The following DLGAP1 variants were observed in gnomAD, a reference collection of about 807,000 sequenced individuals.
DLGAP1 encodes the protein disks large-associated protein 1.
Under a neutral mutation model 90.8 loss-of-function variants are expected in DLGAP1, and 11 were observed. That is an observed-to-expected ratio of 0.12 (90% confidence interval 0.08 to 0.20). The LOEUF is 0.20. Among genes scored for constraint, DLGAP1 ranks in the 10% least tolerant of loss-of-function variants. DLGAP1 has a pLI of 1.00. For missense variants in DLGAP1, 1,050 were observed against 1,333.8 expected, an observed-to-expected ratio of 0.79 and a Z score of 3.31; for synonymous variants, 558 against 540.7, an observed-to-expected ratio of 1.03 and a Z score of -0.44.
chr18:4,293,248 G>C (rs1329106531), intron 1 of DLGAP1: 1 of 152,258 alleles, frequency 6.6e-6, no homozygotes, highest in Non-Finnish European at 1.5e-5. Context: ...TTCTGGAACA[G>C]AGAAAAGACT....
intron 2 of DLGAP1, among the ~76,000 whole-genome samples, chr18:4,024,864 G>A (rs931455716): frequency 1.3e-5 from 2 of 152,150 alleles, no homozygotes; most frequent in Admixed American, 6.6e-5. Context: ...GTGTTCGAGA[G>A]CCAGATGGTT....
At chr18:3,967,147 G>A (rs2073348122) in intron 3 of DLGAP1, among the ~76,000 whole-genome samples, 1 of 152,212 alleles carries the variant, frequency 6.6e-6, no homozygotes, top group Non-Finnish European at 1.5e-5. Flanking sequence ...AAATATGGCA[G>A]TGCCTGTCTA....
intron 7 of DLGAP1, among the ~76,000 whole-genome samples, chr18:3,669,511 G>T (rs1457699589): frequency 6.6e-6 from 1 of 152,218 alleles, no homozygotes. Context: ...AAGAAGACAC[G>T]AGTGGTTATG....
chr18:3,979,446 T>C (rs1471672819), intron 3 of DLGAP1, among the ~76,000 whole-genome samples: 1 of 12,118 alleles, frequency 8.3e-5, no homozygotes, highest in Non-Finnish European at 1.5e-4. Context: ...TTTCTCAGAA[T>C]GTACTCCCAT....
At chr18:4,429,550 T>A (rs763236683) in intron 1 of DLGAP1, among the ~76,000 whole-genome samples, 5 of 152,206 alleles carry the variant, frequency 3.3e-5, no homozygotes, top group Non-Finnish European at 5.9e-5. Context: ...CTGGCCAGAT[T>A]GGTAAAAATT....
At chr18:4,012,616 C>T (rs142921110) in intron 2 of DLGAP1, among the ~76,000 whole-genome samples, 33 of 152,228 alleles carry the variant, frequency 2.2e-4, no homozygotes, top group African/African-American at 7.9e-4. Flanking sequence ...AGCAGGCTGT[C>T]TGCTGTGGGT....
At chr18:3,613,945 T>C (rs2057741340) in intron 7 of DLGAP1, among the ~76,000 whole-genome samples, 1 of 151,574 alleles carries the variant, frequency 6.6e-6, no homozygotes, top group East Asian at 1.9e-4. Context: ...TTTTTTGAGA[T>C]GGAGTTTCCC....
At chr18:4,338,258 A>G (rs1012943849) in intron 1 of DLGAP1, among the ~76,000 whole-genome samples, 1 of 151,988 alleles carries the variant, frequency 6.6e-6, no homozygotes, top group African/African-American at 2.4e-5. Flanking sequence ...TTGGCCAGAC[A>G]CAGTTTTATC....
At chr18:4,156,272 T>C (rs2076754635) in intron 1 of DLGAP1, among the ~76,000 whole-genome samples, 1 of 152,194 alleles carries the variant, frequency 6.6e-6, no homozygotes, top group South Asian at 2.1e-4. Context: ...AAGTCTGGGC[T>C]GGAGTTTGTG....
intron 2 of DLGAP1, among the ~76,000 whole-genome samples, chr18:4,106,031 C>CAAAAAAAAAAA (rs60176243): frequency 2.2e-4 from 22 of 102,266 alleles, no homozygotes; most frequent in South Asian, 1.0e-3. Context: ...GGGTCCGTCT[C>CAAAAAAAAAAA]AAAAAAAAAA....
intron 2 of DLGAP1, among the ~76,000 whole-genome samples, chr18:4,095,379 A>C (rs1041677415): frequency 5.9e-5 from 9 of 152,332 alleles, no homozygotes; most frequent in Middle Eastern, 3.4e-3. Context: ...GGATGCTTTT[A>C]GACATAGATG....
At chr18:4,215,838 T>A (rs1261585611) in intron 1 of DLGAP1, among the ~76,000 whole-genome samples, 3 of 152,010 alleles carry the variant, frequency 2.0e-5, no homozygotes, top group Non-Finnish European at 4.4e-5. Context: ...GTGGTCCATT[T>A]CTCCTGCCAA....
intron 3 of DLGAP1, among the ~76,000 whole-genome samples, chr18:3,948,684 G>A (rs907859543): frequency 2.6e-5 from 4 of 152,222 alleles, no homozygotes; most frequent in Admixed American, 6.5e-5. Flanking sequence ...TATTCTAAGT[G>A]ATGTAACTCA....
chr18:3,602,696 C>G lies in DLGAP1; in HGVS notation c.1592-20448G>C, dbSNP rs948915054. On this transcript the variant is annotated intron_variant, in intron 7 of 12. Transcript: ENST00000315677. ...ATCGAGCACTAGATATGTTTATTAT[C>G]TCCAGCACAGCACTGCCTCCTGGTG... is the stretch of plus-strand genomic sequence containing the variant. Among the ~76,000 whole-genome samples the G allele has an allele frequency of 3.6e-4, 54 of 150,966 alleles. 3 individuals are homozygous for G. The highest frequency in any genetic ancestry group is 1.5e-5 in the Non-Finnish European group (1 of 67,802).
At chr18:4,017,713 A>G (rs895429939) in intron 2 of DLGAP1, among the ~76,000 whole-genome samples, 3 of 152,230 alleles carry the variant, frequency 2.0e-5, no homozygotes, top group African/African-American at 7.2e-5. Flanking sequence ...TAAGCAGAAT[A>G]CAGCGGAGAC....
chr18:3,792,159 T>A (rs1054486790), intron 5 of DLGAP1, among the ~76,000 whole-genome samples: 4 of 152,066 alleles, frequency 2.6e-5, no homozygotes, highest in Admixed American at 6.5e-5. Context: ...GCAGCCCTCT[T>A]CCCTAACTCC....
At chr18:3,952,503 T>C (rs1005704515) in intron 3 of DLGAP1, among the ~76,000 whole-genome samples, 8 of 152,336 alleles carry the variant, frequency 5.3e-5, no homozygotes, top group Non-Finnish European at 8.8e-5. Context: ...AGGGTTGATT[T>C]CCCACTTGGG....
chr18:3,564,902 A>G (rs2054341696), intron 9 of DLGAP1, among the ~76,000 whole-genome samples: 1 of 152,150 alleles, frequency 6.6e-6, no homozygotes, highest in Non-Finnish European at 1.5e-5. Flanking sequence ...TAGTTTGTTG[A>G]GATTTTTACT....
At chr18:4,407,885 TAAATATA>T (rs2082696956) in intron 1 of DLGAP1, among the ~76,000 whole-genome samples, 1 of 65,176 alleles carries the variant, frequency 1.5e-5, no homozygotes. Flanking sequence ...AATAAATAAA[TAAATATA>T]TAAATAAATA....
Sources: gnomAD v4.1 joint callset for allele counts (sites outside exome capture counted in the v4.1 genomes callset) on GRCh38, gnomAD v4.1.1 for gene constraint, MANE v1.5 for transcripts, NCBI Gene and HGNC (gene_info 2026-07-23, HGNC 2026-07-21) for gene names.